The following EXOC2 variants were observed in gnomAD, a reference collection of about 807,000 sequenced individuals.
The protein encoded by EXOC2 is exocyst complex component 2.
EXOC2 carries 70 observed loss-of-function variants against 131.8 expected under a neutral mutation model. The ratio of observed to expected loss-of-function variants is 0.53; its 90% CI spans 0.44 to 0.65. The LOEUF is 0.65. Among genes scored for constraint, EXOC2 ranks in the 30% least tolerant of loss-of-function variants. The pLI is 0.00. For missense variants in EXOC2, 923 were observed against 1,108.6 expected (o/e 0.83, Z 2.38); for synonymous variants, 411 against 398.4 (o/e 1.03, Z -0.38).
chr6:651,285 G>A (rs867417277), intron 1 of EXOC2, among the ~76,000 whole-genome samples: 14 of 151,994 alleles, frequency 9.2e-5, no homozygotes, highest in Admixed American at 2.0e-4. Flanking sequence ...CTCCTGCCTC[G>A]GCCTCCCAAA....
chr6:668,626 CA>C (rs1479831615), intron 1 of EXOC2, among the ~76,000 whole-genome samples: 1 of 152,126 alleles, frequency 6.6e-6, no homozygotes, highest in African/African-American at 2.4e-5. Flanking sequence ...AATCGTACCC[CA>C]TGTATACTTA....
intron 1 of EXOC2, among the ~76,000 whole-genome samples, chr6:645,944 T>A (rs1342738432): frequency 6.6e-6 from 1 of 152,230 alleles, no homozygotes; most frequent in Admixed American, 6.5e-5. Context: ...CAGTGCCCAC[T>A]GTCCAAACCA....
chr6:691,145 A>C (rs1243245699), intron 1 of EXOC2, among the ~76,000 whole-genome samples: 1 of 152,186 alleles, frequency 6.6e-6, no homozygotes, highest in Non-Finnish European at 1.5e-5. Context: ...TGACACTAGA[A>C]ATATTAAAAG....
chr6:691,690 C>T (rs761933228), intron 1 of EXOC2, among the ~76,000 whole-genome samples: 1 of 152,154 alleles, frequency 6.6e-6, no homozygotes, highest in Non-Finnish European at 1.5e-5. Flanking sequence ...TTTTTGACTG[C>T]GTGGGCACCC....
chr6:487,343 A>C (rs1022706465), intron 27 of EXOC2, among the ~76,000 whole-genome samples: 3 of 152,182 alleles, frequency 2.0e-5, no homozygotes, highest in African/African-American at 7.2e-5. Flanking sequence ...TAATTCCACT[A>C]GGCAAATCGC....
chr6:569,170 C>T (rs1488120774), intron 13 of EXOC2, among the ~76,000 whole-genome samples: 1 of 152,042 alleles, frequency 6.6e-6, no homozygotes, highest in African/African-American at 2.4e-5. Flanking sequence ...TAATATTCAT[C>T]AATTATTTGG....
At chr6:545,835 A>G (rs930418822) in intron 22 of EXOC2, among the ~76,000 whole-genome samples, 12 of 152,232 alleles carry the variant, frequency 7.9e-5, no homozygotes, top group Non-Finnish European at 1.6e-4. Context: ...GGGAGAGGTT[A>G]AAAATACTAC....
intron 27 of EXOC2, among the ~76,000 whole-genome samples, chr6:488,608 G>T (rs1462183469): frequency 6.6e-6 from 1 of 151,608 alleles, no homozygotes; most frequent in Non-Finnish European, 1.5e-5. Context: ...ACCGACTCCT[G>T]CATTTTACTA....
chr6:540,259 A>AT (rs1766732381), intron 22 of EXOC2, among the ~76,000 whole-genome samples: 2 of 152,182 alleles, frequency 1.3e-5, no homozygotes, highest in South Asian at 4.1e-4. Context: ...CCAGCCAGGA[A>AT]TTTTTAATAA....
At chr6:588,875 G>C (rs1030581572) in intron 11 of EXOC2, among the ~76,000 whole-genome samples, 1 of 152,094 alleles carries the variant, frequency 6.6e-6, no homozygotes, top group Non-Finnish European at 1.5e-5. Flanking sequence ...AAGATGTCAG[G>C]GAAGGAAAGA....
At chr6:671,446 T>C (rs12527700) in intron 1 of EXOC2, among the ~76,000 whole-genome samples, 13,754 of 152,168 alleles carry the variant, frequency 0.09, 703 homozygotes, top group Admixed American at 0.13. Context: ...ATGTGGGGTG[T>C]AGGTGCTGGG....
At chr6:573,428 G>A (rs1039448207) in intron 12 of EXOC2, among the ~76,000 whole-genome samples, 1 of 152,032 alleles carries the variant, frequency 6.6e-6, no homozygotes, top group Non-Finnish European at 1.5e-5. Flanking sequence ...CACTCCACTC[G>A]GTGGCCATGG....
At chr6:607,121 A>G in intron 7 of EXOC2, among the ~76,000 whole-genome samples, 1 of 152,180 alleles carries the variant, frequency 6.6e-6, no homozygotes, top group African/African-American at 2.4e-5. Flanking sequence ...ACTGTACTTT[A>G]TGCAGCTATG....
At chr6:626,553 A>G (rs1334765486) in intron 4 of EXOC2, among the ~76,000 whole-genome samples, 1 of 151,976 alleles carries the variant, frequency 6.6e-6, no homozygotes, top group Non-Finnish European at 1.5e-5. Flanking sequence ...CCCCACTGCA[A>G]TCTGATAACT....
chr6:650,508 T>TA (rs1454154089), intron 1 of EXOC2, among the ~76,000 whole-genome samples: 4 of 152,268 alleles, frequency 2.6e-5, no homozygotes, highest in Non-Finnish European at 5.9e-5. Context: ...GTTTTTACTG[T>TA]ATAATTACAC....
At chr6:552,029 G>A (rs934024082) in intron 21 of EXOC2, among the ~76,000 whole-genome samples, 2 of 152,196 alleles carry the variant, frequency 1.3e-5, no homozygotes, top group Middle Eastern at 3.2e-3. Flanking sequence ...GTGCCTTGGC[G>A]GCTCTGACTG....
chr6:629,675 G>A (rs1761745953), intron 4 of EXOC2, among the ~76,000 whole-genome samples, 160 bp downstream of exon 4: 1 of 152,210 alleles, frequency 6.6e-6, no homozygotes, highest in Non-Finnish European at 1.5e-5. Context: ...TTGCAGCATA[G>A]CTAACAAGGC....
rs1761760691 is a variant in EXOC2 at position 629,942 on chromosome 6, A to G, written c.315T>C (p.Ala105=). The G allele has an allele frequency of 2.5e-6, 4 of 1,613,918 alleles. No individual in the cohort carries two copies. The highest frequency in any genetic ancestry group is 3.4e-6 in the Non-Finnish European group (4 of 1,179,928). The change falls in exon 4 of 28, where the codon GCT becomes GCC. Residue 105 remains alanine, a synonymous_variant. Coordinates refer to ENST00000230449, the MANE Select transcript of EXOC2 (RefSeq NM_018303.6). ...PEKIGILDQS[A]VWVDEMNYYD... is the part of the protein sequence containing the mutation. ...AATAATTCATTTCATCAACCCACAC[A>G]GCAGACTGATCCAAAATGCCTACAG... is the stretch of plus-strand genomic sequence containing the variant.
At chr6:564,832 A>T (rs780941821) in intron 14 of EXOC2, 32 bp downstream of exon 14, 14 of 1,595,938 alleles carry the variant, frequency 8.8e-6, no homozygotes, top group Admixed American at 1.8e-5. Flanking sequence ...CTACCCTGTG[A>T]AAAGGTCTAC....
Sources: gnomAD v4.1 joint callset for allele counts (sites outside exome capture counted in the v4.1 genomes callset) on GRCh38, gnomAD v4.1.1 for gene constraint, MANE v1.5 for transcripts, NCBI Gene and HGNC (gene_info 2026-07-23, HGNC 2026-07-21) for gene names.